AZIN2: variants seen among roughly 807,000 people sequenced by gnomAD.
AZIN2 encodes the protein antizyme inhibitor 2.
A neutral mutation model predicts 47.8 loss-of-function variants in AZIN2; 28 were observed. The observed-to-expected ratio is 0.59, with a 90% confidence interval of 0.43 to 0.80. AZIN2 has a LOEUF of 0.80. AZIN2 is among the 30% of genes least tolerant of loss of function. The probability of loss-of-function intolerance (pLI) is 0.00; values close to 1 mark genes in which losing one functional copy is unlikely to be tolerated. For missense variants in AZIN2, 535 were observed against 582.5 expected (o/e 0.92, Z 0.84); for synonymous variants, 221 against 239.4 (o/e 0.92, Z 0.71).
chr1:33,127,926 C>A (rs1007464172), downstream of AZIN2, among the ~76,000 whole-genome samples: 1 of 152,136 alleles, frequency 6.6e-6, no homozygotes, highest in Non-Finnish European at 1.5e-5. Context: ...AGGACTCCTA[C>A]CCTCCACTGC....
chr1:33,160,971 T>C, the AZIN2 span, among the ~76,000 whole-genome samples: 1 of 152,298 alleles, frequency 6.6e-6, no homozygotes, highest in South Asian at 2.1e-4. Flanking sequence ...GGTGAAGTAG[T>C]GAAGGGCACA....
rs1164476447 is a variant in AZIN2, at chr1:33,120,818, C to T, written c.*636C>T. Among the ~76,000 whole-genome samples the T allele has an allele frequency of 1.3e-5, 2 of 152,216 alleles. No individual in the cohort carries two copies. Among genetic ancestry groups the T allele is most frequent in the Non-Finnish European group, 2.9e-5 (2 of 68,042 alleles). ...GTCAGCCCAACACCCAGCTTAAGGCCTGGCCCAGAGTAGGGGCAATGGAGT... is the reference window on the plus strand; with the variant it reads ...GTCAGCCCAACACCCAGCTTAAGGCTTGGCCCAGAGTAGGGGCAATGGAGT... On this transcript the variant is annotated 3_prime_UTR_variant, in exon 12 of 12. Coordinates refer to ENST00000294517, the MANE Select transcript of AZIN2 (RefSeq NM_052998.4).
downstream of AZIN2, among the ~76,000 whole-genome samples, chr1:33,123,721 A>G (rs1317848041): frequency 1.3e-5 from 2 of 152,132 alleles, no homozygotes; most frequent in Non-Finnish European, 2.9e-5. Flanking sequence ...AAAATTGGCA[A>G]GGAGCGGTGG....
the AZIN2 span, among the ~76,000 whole-genome samples, chr1:33,153,124 G>A: frequency 6.6e-6 from 1 of 152,208 alleles, no homozygotes; most frequent in South Asian, 2.1e-4. Context: ...CCAATAGGAA[G>A]CCTGAGCTGG....
At chr1:33,125,222 G>A (rs549160012), downstream of AZIN2, among the ~76,000 whole-genome samples, 3 of 152,104 alleles carry the variant, frequency 2.0e-5, no homozygotes, top group Admixed American at 6.6e-5. Flanking sequence ...AGAGGACAGG[G>A]GTTCCACTCA....
chr1:33,146,793 T>C, the AZIN2 span: 1 of 277,226 alleles, frequency 3.6e-6, no homozygotes, highest in Non-Finnish European at 7.0e-6. Flanking sequence ...GCTGTGTGTC[T>C]TTCGGGCTGC....
intron 5 of AZIN2, among the ~76,000 whole-genome samples, chr1:33,090,272 A>G (rs1330289412): frequency 6.6e-6 from 1 of 152,254 alleles, no homozygotes; most frequent in African/African-American, 2.4e-5. Flanking sequence ...AAAGTATGCT[A>G]ACACCCGATG....
At position 33,120,399 on chromosome 1, in the gene AZIN2, T is replaced by G; in HGVS notation, c.*217T>G. The G allele has an allele frequency of 1.5e-6, 1 of 655,576 alleles. No homozygotes were observed. The highest frequency in any genetic ancestry group is 2.4e-6 in the Non-Finnish European group (1 of 408,172). The allele number at this position is 655,576 out of a possible 1,614,324, so 40.6% of individuals were successfully genotyped here. On this transcript the variant is annotated 3_prime_UTR_variant, in exon 12 of 12. Transcript: ENST00000294517. ...ACATAAATCCTGTTCCTTCCAGCTG[T>G]GTCTGCCTCCTCTGCAGTGCAAGGG...
chr1:33,111,307 A>T (rs1384901831), intron 10 of AZIN2, among the ~76,000 whole-genome samples: 1 of 152,116 alleles, frequency 6.6e-6, no homozygotes, highest in Non-Finnish European at 1.5e-5. Flanking sequence ...ACAAAGTTAG[A>T]GTTGGTTCCT....
At chr1:33,119,910 G>GCCTGTC (rs1460423884) in intron 11 of AZIN2, 134 bp from the exon 12 acceptor site, 20 of 1,254,262 alleles carry the variant, frequency 1.6e-5, no homozygotes, top group Non-Finnish European at 2.0e-5. Context: ...GGGGTCAGCA[G>GCCTGTC]CCTGTCCCTG....
intron 10 of AZIN2, among the ~76,000 whole-genome samples, chr1:33,108,209 CAAGGACACACAATGGGA>C (rs1644111007): frequency 6.6e-6 from 1 of 152,108 alleles, no homozygotes; most frequent in Non-Finnish European, 1.5e-5. Context: ...ACAAACGTAC[CAAGGACACACAATGGGA>C]AAGGACAGTC....
At chr1:33,092,252 G>A in intron 6 of AZIN2, 30 bp downstream of exon 6, 3 of 1,547,222 alleles carry the variant, frequency 1.9e-6, no homozygotes, top group Non-Finnish European at 2.6e-6. Flanking sequence ...TGGGGAGGCT[G>A]GGCTGTGGGG....
chr1:33,136,491 A>AGCTGGGACTCATG, the AZIN2 span, among the ~76,000 whole-genome samples: 1 of 151,532 alleles, frequency 6.6e-6, no homozygotes, highest in African/African-American at 2.4e-5. Context: ...GCCTCAGCCT[A>AGCTGGGACTCATG]CCGAGTAGCT....
chr1:33,145,013 A>AT, the AZIN2 span, among the ~76,000 whole-genome samples: 1 of 152,178 alleles, frequency 6.6e-6, no homozygotes, highest in Non-Finnish European at 1.5e-5. Context: ...GAGGGTGGTC[A>AT]TTTTTCTAAA....
At chr1:33,085,688 C>G (rs1456839598) in intron 5 of AZIN2, among the ~76,000 whole-genome samples, 1 of 152,052 alleles carries the variant, frequency 6.6e-6, no homozygotes, top group Non-Finnish European at 1.5e-5. Context: ...AGCAGGTTAA[C>G]CTGTAGCAGG....
the AZIN2 span, among the ~76,000 whole-genome samples, chr1:33,139,222 G>T: frequency 2.0e-5 from 3 of 152,264 alleles, no homozygotes; most frequent in Non-Finnish European, 4.4e-5. Flanking sequence ...ATCAGTGAGG[G>T]TCGCTCTGGG....
At chr1:33,159,859 A>C in the AZIN2 span, 1 of 1,613,196 alleles carries the variant, frequency 6.2e-7, no homozygotes, top group South Asian at 1.1e-5. The surrounding 1 kb of genome is among the most constrained non-coding windows in gnomAD (Gnocchi z 4.2). Context: ...CAGCTCCTCT[A>C]GCATGGCCTT....
At chr1:33,098,910 C>T (rs1194077040) in intron 10 of AZIN2, among the ~76,000 whole-genome samples, 1 of 152,046 alleles carries the variant, frequency 6.6e-6, no homozygotes, top group Non-Finnish European at 1.5e-5. Context: ...ACTATAGGCA[C>T]CCGCCACCAT....
rs200309939 is a variant in AZIN2 at position 33,118,009 on chromosome 1, G to A, written c.1137G>A (p.Gly379=). The change falls in exon 11 of 12, where the codon GGG becomes GGA. Residue 379 remains glycine, a synonymous_variant. Transcript: ENST00000294517. ...EGLWLPQLHV[G]DWLVFDNMGA... ...TGTGGCTGCCGCAACTACACGTAGGGGACTGGCTGGTCTTTGACAACATGG... is the reference window on the plus strand; with the variant it reads ...TGTGGCTGCCGCAACTACACGTAGGAGACTGGCTGGTCTTTGACAACATGG... 6.3e-7 allele frequency: 1 copy of A among 1,598,020 alleles called. No homozygotes were observed. The highest frequency in any genetic ancestry group is 8.5e-7 in the Non-Finnish European group (1 of 1,172,448).
Sources: gnomAD v4.1 joint callset for allele counts (sites outside exome capture counted in the v4.1 genomes callset) on GRCh38, gnomAD v4.1.1 for gene constraint, Gnocchi (gnomAD v3.1) non-coding constraint, MANE v1.5 for transcripts, NCBI Gene and HGNC (gene_info 2026-07-23, HGNC 2026-07-21) for gene names.